Variants in TBC1D22A observed in about 807,000 individuals in gnomAD.
TBC1D22A encodes the protein putative GTPase activator.
TBC1D22A carries 38 observed loss-of-function variants against 60.2 expected under a neutral mutation model. The observed-to-expected ratio is 0.63, with a 90% confidence interval of 0.49 to 0.83. The LOEUF (loss-of-function observed/expected upper bound fraction) is 0.83. Among genes scored for constraint, TBC1D22A ranks in the 40% least tolerant of loss-of-function variants. The pLI is 0.00. For synonymous variants in TBC1D22A, 302 were observed against 281.7 expected, an observed-to-expected ratio of 1.07 and a Z score of -0.72; for missense variants, 628 against 701.0, an observed-to-expected ratio of 0.90 and a Z score of 1.18.
At chr22:46,794,994 T>A (rs2084591185) in intron 3 of TBC1D22A, among the ~76,000 whole-genome samples, 1 of 152,252 alleles carries the variant, frequency 6.6e-6, no homozygotes, top group African/African-American at 2.4e-5. Flanking sequence ...GGTCTAGTTT[T>A]TAAAACCACT....
intron 12 of TBC1D22A, among the ~76,000 whole-genome samples, chr22:47,150,919 A>G (rs2067476431): frequency 6.6e-6 from 1 of 152,148 alleles, no homozygotes; most frequent in African/African-American, 2.4e-5. Context: ...TGTGGCCCTC[A>G]CGTGGCGTGC....
At position 47,174,728 on chromosome 22, in the gene TBC1D22A, GGTTCCCGCCGTGGACCA is replaced by G. The variant is rs2068621827; in HGVS notation, c.*1111_*1127del. 1 of 147,120 alleles carries G rather than the reference GGTTCCCGCCGTGGACCA, an allele frequency of 6.8e-6. No homozygotes were observed. The highest frequency in any genetic ancestry group is 6.9e-5 in the Admixed American group (1 of 14,508). 9.1% of individuals were successfully genotyped at this position (147,120 alleles called of 1,614,324 possible). On this transcript the variant is annotated 3_prime_UTR_variant, in exon 13 of 13. Coordinates refer to ENST00000337137, the MANE Select transcript of TBC1D22A (RefSeq NM_014346.5). ...CCCTGGACCGGTTCTGCCGTGGACT[GGTTCCCGCCGTGGACCA>G]GTTCCCGCTGTATACTGGTTCTGCC...
chr22:47,013,071 T>C (rs1236666965), intron 10 of TBC1D22A, among the ~76,000 whole-genome samples: 1 of 152,114 alleles, frequency 6.6e-6, no homozygotes, highest in Non-Finnish European at 1.5e-5. Flanking sequence ...CGTGCGCGAG[T>C]GGAGCTGGAC....
At chr22:47,079,344 C>G (rs2064362631) in intron 11 of TBC1D22A, among the ~76,000 whole-genome samples, 1 of 152,148 alleles carries the variant, frequency 6.6e-6, no homozygotes. Flanking sequence ...GCCTTGGCCT[C>G]CCAAAGTACT....
At chr22:46,988,631 G>A (rs1223550746) in intron 9 of TBC1D22A, among the ~76,000 whole-genome samples, 1 of 152,182 alleles carries the variant, frequency 6.6e-6, no homozygotes, top group Non-Finnish European at 1.5e-5. Flanking sequence ...CTGAGCAGTA[G>A]GTCTCAACAG....
intron 11 of TBC1D22A, among the ~76,000 whole-genome samples, chr22:47,068,813 C>T (rs755701584): frequency 1.3e-5 from 2 of 152,194 alleles, no homozygotes; most frequent in Admixed American, 6.5e-5. Context: ...ACAATGCTGG[C>T]AGCCTCTTTA....
chr22:47,037,246 G>A (rs1419843875), intron 11 of TBC1D22A, 48 bp downstream of exon 11: 41 of 1,605,000 alleles, frequency 2.6e-5, no homozygotes, highest in Non-Finnish European at 3.5e-5. Flanking sequence ...AGGAGCCCGG[G>A]CCGTTTCCTG....
At chr22:47,157,002 A>G (rs1173736875) in intron 12 of TBC1D22A, among the ~76,000 whole-genome samples, 2 of 152,172 alleles carry the variant, frequency 1.3e-5, no homozygotes, top group Non-Finnish European at 2.9e-5. Context: ...TCCCATCCAG[A>G]GGGACAGATG....
At chr22:46,768,463 C>T (rs1601782381) in intron 1 of TBC1D22A, among the ~76,000 whole-genome samples, 1 of 115,424 alleles carries the variant, frequency 8.7e-6, no homozygotes, top group South Asian at 2.8e-4. Flanking sequence ...GCAGCCTGGG[C>T]AACAGAGCGA....
chr22:46,855,809 T>C (rs2087539003), intron 4 of TBC1D22A, among the ~76,000 whole-genome samples: 1 of 152,220 alleles, frequency 6.6e-6, no homozygotes, highest in Admixed American at 6.5e-5. Context: ...TCTATGCTTC[T>C]GTGCGTTTTA....
At chr22:46,982,829 T>C (rs1460193575) in intron 9 of TBC1D22A, among the ~76,000 whole-genome samples, 1 of 152,156 alleles carries the variant, frequency 6.6e-6, no homozygotes, top group African/African-American at 2.4e-5. Context: ...CTGTAGACCT[T>C]GTTGGCCATG....
At chr22:47,080,624 A>AAAT (rs1556122833) in intron 11 of TBC1D22A, among the ~76,000 whole-genome samples, 58 of 117,292 alleles carry the variant, frequency 4.9e-4, no homozygotes, top group African/African-American at 1.4e-3. Flanking sequence ...TACCTGTAAA[A>AAAT]ATATATATAT....
intron 12 of TBC1D22A, among the ~76,000 whole-genome samples, chr22:47,169,330 G>A (rs921367827): frequency 2.6e-5 from 4 of 152,144 alleles, no homozygotes; most frequent in East Asian, 1.9e-4. Context: ...TGATGTGTCC[G>A]AGAGTGTCTA....
chr22:46,879,600 A>G (rs1226260013), intron 5 of TBC1D22A, among the ~76,000 whole-genome samples: 1 of 152,192 alleles, frequency 6.6e-6, no homozygotes, highest in African/African-American at 2.4e-5. Flanking sequence ...TATTGATTAA[A>G]TATTCTTTTG....
intron 12 of TBC1D22A, among the ~76,000 whole-genome samples, chr22:47,172,425 G>A (rs532484003): frequency 4.6e-5 from 7 of 152,364 alleles, no homozygotes; most frequent in South Asian, 2.1e-4. Flanking sequence ...TACAGGAGGC[G>A]AGATTTTAAA....
At chr22:47,064,190 C>T (rs369970361) in intron 11 of TBC1D22A, among the ~76,000 whole-genome samples, 1 of 152,238 alleles carries the variant, frequency 6.6e-6, no homozygotes, top group Admixed American at 6.5e-5. Context: ...GCCGGGGAGC[C>T]GCTGCCGGCA....
chr22:47,077,322 G>A (rs530540316), intron 11 of TBC1D22A, among the ~76,000 whole-genome samples: 1 of 152,266 alleles, frequency 6.6e-6, no homozygotes, highest in African/African-American at 2.4e-5. Context: ...TCTTTCTGAT[G>A]ACTCAGTCTT....
At chr22:46,894,611 T>C (rs1256590391) in intron 6 of TBC1D22A, among the ~76,000 whole-genome samples, 173 bp from the exon 7 acceptor site, 2 of 152,156 alleles carry the variant, frequency 1.3e-5, no homozygotes, top group African/African-American at 2.4e-5. Context: ...AGAACAGGCT[T>C]TGGATACCTC....
intron 10 of TBC1D22A, among the ~76,000 whole-genome samples, chr22:47,011,664 A>G (rs1379859772): frequency 6.6e-6 from 1 of 152,116 alleles, no homozygotes; most frequent in Non-Finnish European, 1.5e-5. Context: ...CTTAAAGAGG[A>G]TGTTTGGAGT....
Sources: allele counts gnomAD v4.1 joint callset (sites outside exome capture counted in the v4.1 genomes callset), GRCh38; gene constraint gnomAD v4.1.1; transcripts MANE v1.5; gene names NCBI Gene and HGNC (gene_info 2026-07-23, HGNC 2026-07-21).